The following INPP5A variants were observed in gnomAD, a reference collection of about 807,000 sequenced individuals.
INPP5A encodes the protein 43 kDa inositol polyphosphate 5-phophatase.
Under a neutral mutation model 65.2 loss-of-function variants are expected in INPP5A, and 14 were observed. The ratio of observed to expected loss-of-function variants is 0.21; its 90% confidence interval spans 0.14 to 0.34. The LOEUF (loss-of-function observed/expected upper bound fraction) is 0.34, where lower values mean the gene tolerates loss of function less well. Ranked by LOEUF, INPP5A falls within the 10% of genes least tolerant of loss-of-function variation. INPP5A has a pLI of 1.00. For synonymous variants in INPP5A, 207 were observed against 208.3 expected (o/e 0.99, Z 0.05); for missense variants, 431 against 545.6 (o/e 0.79, Z 2.09).
rs2072193781 is a variant in INPP5A at position 132,627,012 on chromosome 10, C to G, written c.118-18856C>G. 6.6e-6 allele frequency among the ~76,000 whole-genome samples: 1 copy of G among 151,942 alleles called. No homozygotes were observed. The highest frequency in any genetic ancestry group is 2.4e-5 in the African/African-American group (1 of 41,328). On this transcript the variant is annotated intron_variant, in intron 2 of 15. Transcript: ENST00000368594. This position sits in a 1 kb window ranked among gnomAD's most constrained non-coding sequence, Gnocchi z 6.6. ...GTAATGGTATTGAGGGGGGTGGGCC[C>G]TTTGGGAGGTGATGGGGTGAGATGA...
rs537523513 is a variant in INPP5A at position 132,716,815 on chromosome 10, G to A, written c.647+6359G>A. On this transcript the variant is annotated intron_variant, in intron 8 of 15. Transcript: ENST00000368594. The stretch of plus-strand genomic sequence containing the variant: ...AACAAAAGTAAAATGGCGATGCTCC[G>A]TGTGGAGAGCATGAGAGCGGCGGCT... 6.2e-4 allele frequency among the ~76,000 whole-genome samples: 94 copies of A among 152,352 alleles called. No individual in the cohort carries two copies. The South Asian group carries it at 7.7e-3, about 12-fold the overall frequency.
intron 13 of INPP5A, chr10:132,777,985 C>T (rs534195397): frequency 1.0e-5 from 14 of 1,375,310 alleles, no homozygotes; most frequent in African/African-American, 5.8e-5. Context: ...GGGGCAGCAG[C>T]AGATGGAGCC....
intron 1 of INPP5A, among the ~76,000 whole-genome samples, chr10:132,574,363 C>T (rs2071389447): frequency 7.0e-6 from 1 of 143,692 alleles, no homozygotes; most frequent in African/African-American, 2.6e-5. Context: ...ATGTGCGTGC[C>T]GTGTGAGGTT....
chr10:132,677,050 C>T (rs1208059234), intron 4 of INPP5A, among the ~76,000 whole-genome samples: 9 of 151,498 alleles, frequency 5.9e-5, no homozygotes, highest in African/African-American at 2.2e-4. Flanking sequence ...CCACCATCAC[C>T]CAGGCACCTG....
In INPP5A at chr10:132,781,780, G is replaced by A. The variant is rs1045743646; in HGVS notation, c.1159-81G>A. 1.0e-5 allele frequency: 12 copies of A among 1,152,206 alleles called. No individual in the cohort carries two copies. In the African/African-American group the frequency reaches 1.7e-4, roughly 16 times the overall value. 71.4% of individuals were successfully genotyped at this position (1,152,206 alleles called of 1,614,324 possible). A position where few individuals can be genotyped will look rare whatever the true frequency, so the allele number is the denominator to read the frequency against. ...GCTGCCCTGGTGAGACGCAGGGTCT[G>A]GGGGTGCAACGGGAGGCGGCGGCAT... On this transcript the variant is annotated intron_variant, in intron 14 of 15. Transcript: ENST00000368594.
intron 2 of INPP5A, among the ~76,000 whole-genome samples, chr10:132,610,898 A>G (rs183868073): frequency 2.6e-4 from 40 of 152,382 alleles, no homozygotes; most frequent in Admixed American, 9.8e-4. Flanking sequence ...TGAACAGGAA[A>G]AAACATCTGG....
intron 1 of INPP5A, among the ~76,000 whole-genome samples, chr10:132,567,560 G>A (rs1291040158): frequency 6.6e-6 from 1 of 152,172 alleles, no homozygotes; most frequent in Non-Finnish European, 1.5e-5. Flanking sequence ...AGCCAGGATG[G>A]TAACACGGGA....
chr10:132,686,335 A>G (rs2073113399), intron 4 of INPP5A, among the ~76,000 whole-genome samples: 1 of 152,252 alleles, frequency 6.6e-6, no homozygotes, highest in African/African-American at 2.4e-5. Flanking sequence ...AGAATTAATG[A>G]GCACTCTTGA....
At chr10:132,732,611 G>A (rs1846105820) in intron 9 of INPP5A, among the ~76,000 whole-genome samples, 1 of 152,172 alleles carries the variant, frequency 6.6e-6, no homozygotes, top group African/African-American at 2.4e-5. Context: ...CTGAGCACCT[G>A]GATCCCATGG....
In INPP5A at chr10:132,698,418, T is replaced by A. The variant is rs144974214; in HGVS notation, c.474+499T>A. Among the ~76,000 whole-genome samples, 1 of 152,174 alleles carries A rather than the reference T, an allele frequency of 6.6e-6. No individual in the cohort carries two copies. The highest frequency in any genetic ancestry group is 1.5e-5 in the Non-Finnish European group (1 of 68,036). On this transcript the variant is annotated intron_variant, in intron 6 of 15. Coordinates refer to ENST00000368594, the MANE Select transcript of INPP5A (RefSeq NM_005539.5). The surrounding 1 kb of genome is among the most constrained non-coding windows in gnomAD (Gnocchi z 5.5). The stretch of plus-strand genomic sequence containing the variant: ...TTATGCCTGCGTCACACGGAGAGAT[T>A]AGAATCAAAATGTGTGGAAGGCATT...
chr10:132,566,701 A>G (rs1015142093), intron 1 of INPP5A, among the ~76,000 whole-genome samples: 3 of 152,250 alleles, frequency 2.0e-5, no homozygotes, highest in African/African-American at 7.2e-5. Context: ...TATTCTTAAT[A>G]AAATTAAAAC....
At position 132,762,275 on chromosome 10, in the gene INPP5A, G is replaced by A. The variant is rs1189180106; in HGVS notation, c.904-3498G>A. Among the ~76,000 whole-genome samples, 2 of 152,238 alleles carry A rather than the reference G, an allele frequency of 1.3e-5. No homozygotes were observed. Among genetic ancestry groups the A allele is most frequent in the African/African-American group, 2.4e-5 (1 of 41,460 alleles). ...AAGCATGGTGAGTCCTGAGCAGGAG[G>A]AATGGAAGTAAATCCACACACAGAC... On this transcript the variant is annotated intron_variant, in intron 11 of 15. Coordinates refer to ENST00000368594, the MANE Select transcript of INPP5A (RefSeq NM_005539.5). This position sits in a 1 kb window ranked among gnomAD's most constrained non-coding sequence, Gnocchi z 4.6.
At chr10:132,577,231 G>T (rs921483211) in intron 1 of INPP5A, among the ~76,000 whole-genome samples, 1 of 151,904 alleles carries the variant, frequency 6.6e-6, no homozygotes, top group Non-Finnish European at 1.5e-5. Flanking sequence ...CTCCCCCCCG[G>T]CACGCCGCCC....
At chr10:132,620,790 A>G (rs1225501648) in intron 2 of INPP5A, among the ~76,000 whole-genome samples, 2 of 152,210 alleles carry the variant, frequency 1.3e-5, no homozygotes, top group Non-Finnish European at 1.5e-5. Context: ...CTATATTTAA[A>G]CAAGAAACAA....
intron 2 of INPP5A, among the ~76,000 whole-genome samples, chr10:132,634,230 G>T (rs538455579): frequency 6.6e-6 from 1 of 151,740 alleles, no homozygotes; most frequent in African/African-American, 2.4e-5. Flanking sequence ...CTCCCTTGGC[G>T]GGTGTGCCCC....
At position 132,637,629 on chromosome 10, in the gene INPP5A, C is replaced by G. The variant is rs1311589247; in HGVS notation, c.118-8239C>G. Among the ~76,000 whole-genome samples the G allele has an allele frequency of 6.6e-6, 1 of 152,150 alleles. No homozygotes were observed. Among genetic ancestry groups the G allele is most frequent in the Non-Finnish European group, 1.5e-5 (1 of 68,034 alleles). On this transcript the variant is annotated intron_variant, in intron 2 of 15. Transcript: ENST00000368594. The surrounding 1 kb of genome is among the most constrained non-coding windows in gnomAD (Gnocchi z 4.1). The stretch of plus-strand genomic sequence containing the variant: ...ATGTTGGGGTTTCCTTCCAGTGACT[C>G]TCCTGGCGCCTGCTGTGGCTGTCCT...
intron 8 of INPP5A, among the ~76,000 whole-genome samples, chr10:132,716,527 C>T (rs999621944): frequency 1.3e-5 from 2 of 152,216 alleles, no homozygotes; most frequent in African/African-American, 4.8e-5. Context: ...GTCTGGAGAG[C>T]GTTTGGGTGG....
chr10:132,726,794 G>A (rs769726045), intron 8 of INPP5A, 27 bp from the exon 9 acceptor site: 12 of 1,560,996 alleles, frequency 7.7e-6, no homozygotes, highest in South Asian at 2.3e-5. Context: ...CAGCGCCCTC[G>A]GTAACAAGTC....
intron 8 of INPP5A, among the ~76,000 whole-genome samples, chr10:132,725,357 G>T (rs567427403): frequency 3.9e-5 from 6 of 152,320 alleles, no homozygotes; most frequent in African/African-American, 1.4e-4. Flanking sequence ...AGTGCAGAGC[G>T]GGTCCACAGC....
Sources: gnomAD v4.1 joint callset for allele counts (sites outside exome capture counted in the v4.1 genomes callset) on GRCh38, gnomAD v4.1.1 for gene constraint, Gnocchi (gnomAD v3.1) non-coding constraint, MANE v1.5 for transcripts, NCBI Gene and HGNC (gene_info 2026-07-23, HGNC 2026-07-21) for gene names.